Variants in SKAP2 observed in about 807,000 individuals in gnomAD.
SKAP2 encodes src kinase-associated phosphoprotein 2.
A neutral mutation model predicts 54.9 loss-of-function variants in SKAP2; 28 were observed. That is an observed-to-expected ratio of 0.51 (90% CI 0.38 to 0.70). The LOEUF is 0.70. Among genes scored for constraint, SKAP2 ranks in the 30% least tolerant of loss-of-function variants. The pLI, the probability that SKAP2 is intolerant of heterozygous loss-of-function variation, is 0.00. For missense variants in SKAP2, 356 were observed against 424.1 expected, an observed-to-expected ratio of 0.84 and a Z score of 1.41; for synonymous variants, 137 against 134.3, an observed-to-expected ratio of 1.02 and a Z score of -0.14.
At chr7:26,734,572 T>C (rs186938502) in intron 6 of SKAP2, among the ~76,000 whole-genome samples, 1 of 152,226 alleles carries the variant, frequency 6.6e-6, no homozygotes, top group East Asian at 1.9e-4. Context: ...ACTGGGAAAT[T>C]TATAAACAAT....
chr7:26,729,411 A>C (rs1011322218), intron 6 of SKAP2, among the ~76,000 whole-genome samples: 1 of 152,178 alleles, frequency 6.6e-6, no homozygotes, highest in Non-Finnish European at 1.5e-5. Context: ...GCGAAGTAGG[A>C]GAAATGAAGG....
At chr7:26,757,570 A>G (rs995443698) in intron 4 of SKAP2, among the ~76,000 whole-genome samples, 1 of 152,142 alleles carries the variant, frequency 6.6e-6, no homozygotes, top group Non-Finnish European at 1.5e-5. Flanking sequence ...TGTTTTGGTT[A>G]CTGTAGCCTT....
chr7:26,772,668 A>C (rs954485726), intron 4 of SKAP2, among the ~76,000 whole-genome samples: 14 of 152,224 alleles, frequency 9.2e-5, no homozygotes, highest in Admixed American at 6.5e-4. Flanking sequence ...GCTATTGTGA[A>C]TAGTGCTTGT....
chr7:26,798,223 T>C (rs772507391), intron 4 of SKAP2, among the ~76,000 whole-genome samples: 8 of 151,708 alleles, frequency 5.3e-5, no homozygotes, highest in Non-Finnish European at 1.2e-4. Flanking sequence ...GAAGCTCCAA[T>C]ACATCTGGCA....
In SKAP2 at chr7:26,680,395, T is replaced by C. The variant is rs534767267; in HGVS notation, c.987+4341A>G. On this transcript the variant is annotated intron_variant, in intron 11 of 12. Transcript: ENST00000345317. The stretch of plus-strand genomic sequence containing the variant: ...ATTATGTTCCTGTTTTATTTAGTGG[T>C]AATAAAAATGAAATGAAAACTAACA... 1.1e-4 allele frequency among the ~76,000 whole-genome samples: 17 copies of C among 152,308 alleles called. No individual in the cohort carries two copies. In the East Asian group the frequency reaches 2.9e-3, roughly 26 times the overall value.
rs1440848489 is a variant in SKAP2, at chr7:26,757,626, C to G, written c.308-17662G>C. Reference sequence around the variant, plus strand: ...GTAGCGTGATGCCTCCAGCTTTGTTCTTTTGGCTTAGGATTGACTTGGCAA... The same window carrying G: ...GTAGCGTGATGCCTCCAGCTTTGTTGTTTTGGCTTAGGATTGACTTGGCAA... On this transcript the variant is annotated intron_variant, in intron 4 of 12. Transcript: ENST00000345317. Among the ~76,000 whole-genome samples the G allele has an allele frequency of 2.6e-5, 4 of 152,140 alleles. No individual in the cohort carries two copies. The East Asian group carries it at 7.7e-4, about 29-fold the overall frequency.
At chr7:26,774,903 T>C (rs1219752518) in intron 4 of SKAP2, among the ~76,000 whole-genome samples, 1 of 152,168 alleles carries the variant, frequency 6.6e-6, no homozygotes, top group Non-Finnish European at 1.5e-5. Flanking sequence ...ACCTGATTTG[T>C]TACTGTCTGT....
chr7:26,662,268 T>A (rs1338778016), downstream of SKAP2, among the ~76,000 whole-genome samples: 1 of 152,176 alleles, frequency 6.6e-6, no homozygotes, highest in Non-Finnish European at 1.5e-5. Flanking sequence ...TTTTGGAATT[T>A]TTTTAAAAAT....
intron 1 of SKAP2, among the ~76,000 whole-genome samples, chr7:26,855,584 T>C (rs1182657402): frequency 6.6e-6 from 1 of 152,114 alleles, no homozygotes; most frequent in African/African-American, 2.4e-5. Context: ...CATAAGTTCT[T>C]CCACTATATA....
At chr7:26,815,772 T>C (rs1007816780) in intron 4 of SKAP2, among the ~76,000 whole-genome samples, 2 of 152,126 alleles carry the variant, frequency 1.3e-5, no homozygotes, top group Non-Finnish European at 2.9e-5. Flanking sequence ...CAGTAAATTT[T>C]TCAAGGTTTA....
chr7:26,789,956 G>GT (rs150404353), intron 4 of SKAP2, among the ~76,000 whole-genome samples: 94 of 152,216 alleles, frequency 6.2e-4, no homozygotes, highest in African/African-American at 2.0e-3. Flanking sequence ...AGCCCTCCCA[G>GT]TAATCAAAGG....
chr7:26,655,869 G>A, the SKAP2 span, among the ~76,000 whole-genome samples: 5 of 152,162 alleles, frequency 3.3e-5, no homozygotes, highest in Admixed American at 6.5e-5. Flanking sequence ...CTGTCACATG[G>A]AGACTATTTA....
intron 4 of SKAP2, among the ~76,000 whole-genome samples, chr7:26,789,662 A>C (rs1375482051): frequency 6.6e-6 from 1 of 152,158 alleles, no homozygotes; most frequent in Non-Finnish European, 1.5e-5. Flanking sequence ...GCCAAATATC[A>C]AGCCTTAACC....
intron 11 of SKAP2, among the ~76,000 whole-genome samples, chr7:26,671,255 T>C (rs568032757): frequency 1.3e-5 from 2 of 152,222 alleles, no homozygotes; most frequent in East Asian, 3.9e-4. Context: ...GTGCTCAAAT[T>C]TAATTTTTCA....
chr7:26,770,344 A>G (rs10255249), intron 4 of SKAP2, among the ~76,000 whole-genome samples: 73,332 of 151,988 alleles, frequency 0.48, 18,987 homozygotes, highest in African/African-American at 0.65. Flanking sequence ...TCAGACTGCT[A>G]CACTGGCAGT....
At position 26,854,892 on chromosome 7, in the gene SKAP2, T is replaced by G. The variant is rs1489819915; in HGVS notation, c.68-2A>C. 9 of 1,560,678 alleles carry G rather than the reference T, an allele frequency of 5.8e-6. No homozygotes were observed. The South Asian group carries it at 1.0e-4, about 18-fold the overall frequency. On this transcript the variant is annotated splice_acceptor_variant, in intron 1 of 12. Coordinates refer to ENST00000345317, the MANE Select transcript of SKAP2 (RefSeq NM_003930.5). LOFTEE classifies it high-confidence loss of function. ...TATCTGCTACAAATGTTTCAACATC[T>G]AAACCATGCAATATAAGAAACAGGA...
intron 9 of SKAP2, among the ~76,000 whole-genome samples, chr7:26,700,348 T>C (rs1459729351): frequency 6.6e-6 from 1 of 152,194 alleles, no homozygotes; most frequent in Non-Finnish European, 1.5e-5. Flanking sequence ...AAAGACTCTC[T>C]TTGATACTCT....
intron 11 of SKAP2, among the ~76,000 whole-genome samples, chr7:26,674,574 A>G (rs1786312840): frequency 6.6e-6 from 1 of 152,202 alleles, no homozygotes; most frequent in African/African-American, 2.4e-5. Context: ...CTAACCTGTT[A>G]AATGAGGAAA....
chr7:26,809,442 G>T (rs1784092940), intron 4 of SKAP2, among the ~76,000 whole-genome samples: 1 of 151,102 alleles, frequency 6.6e-6, no homozygotes, highest in Non-Finnish European at 1.5e-5. Context: ...GTGGGCAAAG[G>T]ACCTGAATAA....
Sources: allele counts gnomAD v4.1 joint callset (sites outside exome capture counted in the v4.1 genomes callset), GRCh38; gene constraint gnomAD v4.1.1; transcripts MANE v1.5; gene names NCBI Gene and HGNC (gene_info 2026-07-23, HGNC 2026-07-21).